Variants in CMKLR2 observed in about 807,000 individuals in gnomAD.
The protein encoded by CMKLR2 is chemerin-like receptor 2.
CMKLR2 carries 18 observed loss-of-function variants against 23.0 expected under a neutral mutation model. The ratio of observed to expected loss-of-function variants is 0.78; its 90% CI spans 0.54 to 1.16. CMKLR2 has a LOEUF of 1.16. CMKLR2 is among the 50% of genes most tolerant of loss of function. CMKLR2 has a pLI of 0.00. For synonymous variants in CMKLR2, 158 were observed against 158.9 expected (o/e 0.99, Z 0.05); for missense variants, 401 against 412.7 (o/e 0.97, Z 0.25).
At chr2:206,206,790 G>A (rs762005533) in intron 1 of CMKLR2, among the ~76,000 whole-genome samples, 3 of 152,126 alleles carry the variant, frequency 2.0e-5, no homozygotes, top group Non-Finnish European at 2.9e-5. Flanking sequence ...TTTGATAAAG[G>A]CATTCACGTG....
upstream of CMKLR2, among the ~76,000 whole-genome samples, chr2:206,215,336 C>CA: frequency 6.6e-6 from 1 of 152,288 alleles, no homozygotes; most frequent in East Asian, 1.9e-4. Flanking sequence ...CTGTAATCCA[C>CA]AAAATCACAA....
upstream of CMKLR2, among the ~76,000 whole-genome samples, chr2:206,214,165 ATTTTTTTT>A (rs34307347): frequency 1.5e-5 from 1 of 64,938 alleles, no homozygotes; most frequent in Admixed American, 2.4e-4. Context: ...TAAAGACTTG[ATTTTTTTT>A]TTTTTTTTTT....
At chr2:206,203,708 T>C (rs1046379793) in intron 1 of CMKLR2, 1 of 152,258 alleles carries the variant, frequency 6.6e-6, no homozygotes. Flanking sequence ...AGTTCTCCGA[T>C]CTGATCTAGC....
intron 1 of CMKLR2, among the ~76,000 whole-genome samples, chr2:206,212,043 G>C (rs1346119604): frequency 6.6e-6 from 1 of 151,986 alleles, no homozygotes; most frequent in African/African-American, 2.4e-5. Context: ...AGAGGGAACA[G>C]GAGAAGTTTT....
chr2:206,187,934 G>C (rs1688632937), intron 1 of CMKLR2, among the ~76,000 whole-genome samples: 1 of 152,044 alleles, frequency 6.6e-6, no homozygotes, highest in South Asian at 2.1e-4. Flanking sequence ...GTCTCTTTCT[G>C]TCATTCAGGC....
chr2:206,178,589 C>A (rs1225693999), intron 1 of CMKLR2, among the ~76,000 whole-genome samples: 1 of 152,050 alleles, frequency 6.6e-6, no homozygotes, highest in African/African-American at 2.4e-5. Context: ...TAATTCTTTT[C>A]CATAATAATT....
chr2:206,202,731 T>C (rs1437530820), intron 1 of CMKLR2, among the ~76,000 whole-genome samples: 3 of 151,914 alleles, frequency 2.0e-5, no homozygotes, highest in Non-Finnish European at 4.4e-5. Context: ...GGGCTGGGTT[T>C]CAAGCCATCC....
chr2:206,181,690 C>A (rs539639257), intron 1 of CMKLR2, among the ~76,000 whole-genome samples: 67 of 152,258 alleles, frequency 4.4e-4, no homozygotes, highest in African/African-American at 1.4e-3. Flanking sequence ...CAGTGGCTCA[C>A]GCCTATAATC....
upstream of CMKLR2, among the ~76,000 whole-genome samples, chr2:206,215,079 T>C (rs1194863386): frequency 6.6e-6 from 1 of 152,148 alleles, no homozygotes; most frequent in East Asian, 1.9e-4. Context: ...AAAGCAGGAA[T>C]TCTCACGGTG....
chr2:206,179,750 T>C (rs553035908), intron 1 of CMKLR2, among the ~76,000 whole-genome samples: 9 of 152,322 alleles, frequency 5.9e-5, no homozygotes, highest in African/African-American at 2.2e-4. Context: ...TATTTTGTGC[T>C]ATTTCTATCT....
chr2:206,193,161 C>T (rs1382822323), intron 1 of CMKLR2, among the ~76,000 whole-genome samples: 2 of 152,118 alleles, frequency 1.3e-5, no homozygotes, highest in Non-Finnish European at 2.9e-5. Flanking sequence ...TGCAATGGCA[C>T]GATCTTGGCC....
At chr2:206,187,983 C>T (rs1026755487) in intron 1 of CMKLR2, among the ~76,000 whole-genome samples, 2 of 152,102 alleles carry the variant, frequency 1.3e-5, no homozygotes, top group African/African-American at 4.8e-5. Flanking sequence ...CTGCAACCTC[C>T]ACCTCCCAGA....
chr2:206,206,917 C>CTTCTTT (rs1553516175), intron 1 of CMKLR2, among the ~76,000 whole-genome samples: 1 of 126,154 alleles, frequency 7.9e-6, no homozygotes, highest in Non-Finnish European at 1.6e-5. Context: ...CCCCCTGCCC[C>CTTCTTT]TTTTTTTTTT....
At chr2:206,190,969 G>T (rs1688730634) in intron 1 of CMKLR2, among the ~76,000 whole-genome samples, 1 of 152,166 alleles carries the variant, frequency 6.6e-6, no homozygotes, top group African/African-American at 2.4e-5. Context: ...TAATCTGTAT[G>T]GCTCTGTTGA....
intron 1 of CMKLR2, among the ~76,000 whole-genome samples, chr2:206,186,172 C>T (rs1020616990): frequency 6.8e-6 from 1 of 147,126 alleles, no homozygotes; most frequent in Admixed American, 7.0e-5. Context: ...AGTGCAGTGG[C>T]GCAATCTTGG....
chr2:206,206,928 T>TTTC (rs1689345396), intron 1 of CMKLR2, among the ~76,000 whole-genome samples: 1 of 150,592 alleles, frequency 6.6e-6, no homozygotes, highest in Admixed American at 6.6e-5. Flanking sequence ...TTTTTTTTTT[T>TTTC]TTTTTTTAAT....
At chr2:206,188,519 CTT>C (rs930794986) in intron 1 of CMKLR2, among the ~76,000 whole-genome samples, 15 of 152,324 alleles carry the variant, frequency 9.8e-5, no homozygotes, top group African/African-American at 3.4e-4. Context: ...TGTGTAGCCA[CTT>C]AACCTCCAAG....
At position 206,205,447 on chromosome 2, in the gene CMKLR2, C is replaced by T. The variant is rs148979907; in HGVS notation, c.-29+7860G>A. Reference sequence around the variant, plus strand: ...GCACAATCATAGCTCACTGCAGCCTCGAACTCCTGGGTTCAAGTGGTCCTC... The same window carrying T: ...GCACAATCATAGCTCACTGCAGCCTTGAACTCCTGGGTTCAAGTGGTCCTC... On this transcript the variant is annotated intron_variant, in intron 1 of 1. Coordinates refer to ENST00000621141, the MANE Select transcript of CMKLR2 (RefSeq NM_001389445.1). Among the ~76,000 whole-genome samples, 48 of 152,220 alleles carry T rather than the reference C, an allele frequency of 3.2e-4. No individual in the cohort carries two copies. The East Asian group carries it at 6.6e-3, about 21-fold the overall frequency.
rs755220544 is a variant in CMKLR2, at chr2:206,176,249, A to C, written c.999T>G (p.Ser333=). 3.7e-6 allele frequency: 6 copies of C among 1,614,214 alleles called. No individual in the cohort carries two copies. The highest frequency in any genetic ancestry group is 5.1e-6 in the Non-Finnish European group (6 of 1,180,036). Residue 333 remains serine, a synonymous_variant, in exon 2 of 2, where the codon TCT becomes TCG. Coordinates refer to ENST00000621141, the MANE Select transcript of CMKLR2 (RefSeq NM_001389445.1). The part of the protein sequence containing the change: ...LKYTLWEVSC[S]GTVSEQLRNS... ...TCCTGAGCTGTTCACTCACTGTGCC[A>C]GAACAGCTGACTTCCCACAGTGTGT...
Sources: gnomAD v4.1 joint callset for allele counts (sites outside exome capture counted in the v4.1 genomes callset) on GRCh38, gnomAD v4.1.1 for gene constraint, MANE v1.5 for transcripts, NCBI Gene and HGNC (gene_info 2026-07-23, HGNC 2026-07-21) for gene names.